SLC22A25: variants seen among roughly 807,000 people sequenced by gnomAD.
SLC22A25 encodes MGI:2442751, MGI:2385316, MGI:3042283, MGI:3645714, MGI:3605624, MGI:2442750.
In SLC22A25, 44 loss-of-function variants were observed where a neutral mutation model predicts 45.9. The observed-to-expected ratio is 0.96, with a 90% CI of 0.75 to 1.23. SLC22A25 has a LOEUF of 1.23. SLC22A25 is among the 50% of genes most tolerant of loss of function. The pLI, the probability that SLC22A25 is intolerant of heterozygous loss-of-function variation, is 0.00. For synonymous variants in SLC22A25, 283 were observed against 238.6 expected (o/e 1.19, Z -1.72); for missense variants, 800 against 666.4 (o/e 1.20, Z -2.21).
At position 63,212,768 on chromosome 11, in the gene SLC22A25, G is replaced by C. The variant is rs1034528677; in HGVS notation, c.830+4546C>G. ...GTATACATATGTAACAAACCTTCACGTTGTGTACATGTACCCTAAAACTTA... is the reference window on the plus strand; with the variant it reads ...GTATACATATGTAACAAACCTTCACCTTGTGTACATGTACCCTAAAACTTA... On this transcript the variant is annotated intron_variant, in intron 7 of 11. Transcript: ENST00000306494. Among the ~76,000 whole-genome samples the C allele has an allele frequency of 3.3e-5, 5 of 151,082 alleles. No individual in the cohort carries two copies. In the South Asian group the frequency reaches 1.0e-3, roughly 32 times the overall value.
chr11:63,211,088 T>C (rs1198103729), intron 7 of SLC22A25, among the ~76,000 whole-genome samples: 2 of 152,054 alleles, frequency 1.3e-5, no homozygotes, highest in African/African-American at 4.8e-5. Context: ...TGGGGGATGC[T>C]TTTCAAGGTA....
At chr11:63,214,037 C>T (rs2089647678) in intron 7 of SLC22A25, among the ~76,000 whole-genome samples, 1 of 152,132 alleles carries the variant, frequency 6.6e-6, no homozygotes, top group Non-Finnish European at 1.5e-5. Context: ...GCTTAGCTGT[C>T]ATGGAAATCA....
At chr11:63,215,148 A>G (rs773922875) in intron 7 of SLC22A25, among the ~76,000 whole-genome samples, 20 of 152,186 alleles carry the variant, frequency 1.3e-4, no homozygotes, top group Non-Finnish European at 2.8e-4. Flanking sequence ...TTTATTGCAG[A>G]ACTATTCACA....
At chr11:63,212,549 C>T (rs1036393783) in intron 7 of SLC22A25, among the ~76,000 whole-genome samples, 3 of 151,748 alleles carry the variant, frequency 2.0e-5, no homozygotes, top group African/African-American at 7.3e-5. Flanking sequence ...CCATCATTCT[C>T]AGCAAACTAT....
At chr11:63,201,032 G>A (rs1373071229) in intron 7 of SLC22A25, among the ~76,000 whole-genome samples, 1 of 152,128 alleles carries the variant, frequency 6.6e-6, no homozygotes, top group African/African-American at 2.4e-5. Context: ...AAAATTGCAT[G>A]CTCATGGATA....
At chr11:63,184,048 C>T (rs989015129) in intron 7 of SLC22A25, among the ~76,000 whole-genome samples, 1 of 152,088 alleles carries the variant, frequency 6.6e-6, no homozygotes, top group Non-Finnish European at 1.5e-5. Context: ...ATTGGCATCC[C>T]TCTTATTCAG....
Position 63,163,781 on chromosome 11 carries a change from G to A in SLC22A25, c.*43C>T. The stretch of plus-strand genomic sequence containing the variant: ...TAGCCCAGATCTAAGCCTTTTTGGG[G>A]GATGGTAGCCCTAAATGGTGTTTTG... On this transcript the variant is annotated 3_prime_UTR_variant, in exon 12 of 12. Transcript: ENST00000306494. 1 of 1,563,228 alleles carries A rather than the reference G, an allele frequency of 6.4e-7. No individual in the cohort carries two copies.
chr11:63,188,132 C>G (rs1319952408), intron 7 of SLC22A25, among the ~76,000 whole-genome samples: 2 of 152,198 alleles, frequency 1.3e-5, no homozygotes, highest in African/African-American at 4.8e-5. Flanking sequence ...ACCAGCTCCT[C>G]TTTGTACCTC....
rs909125189 is a variant in SLC22A25 at position 63,158,935 on chromosome 11, C to A, written c.*4889G>T. Reference sequence around the variant, plus strand: ...CCCTTCTCAGCCTCTGGTAATCATCCTTCTCTCTCTATGTCTATGAGTTCA... The same window carrying A: ...CCCTTCTCAGCCTCTGGTAATCATCATTCTCTCTCTATGTCTATGAGTTCA... On this transcript the variant is annotated 3_prime_UTR_variant, in exon 12 of 12. Coordinates refer to ENST00000306494, the MANE Select transcript of SLC22A25 (RefSeq NM_199352.6). Among the ~76,000 whole-genome samples the A allele has an allele frequency of 1.3e-5, 2 of 152,098 alleles. No homozygotes were observed. Among genetic ancestry groups the A allele is most frequent in the Non-Finnish European group, 2.9e-5 (2 of 68,014 alleles).
Position 63,217,718 on chromosome 11 carries a change from A to G in SLC22A25, c.524T>C (p.Val175Ala), listed in dbSNP as rs1418639033. The G allele has an allele frequency of 6.2e-7, 1 of 1,608,478 alleles. No individual in the cohort carries two copies. Among genetic ancestry groups the G allele is most frequent in the African/African-American group, 1.3e-5 (1 of 74,598 alleles). Reference protein sequence around the residue: ...HLSDRFGRKFVLRWSYLQLAI... With the variant: ...HLSDRFGRKFALRWSYLQLAI... ...GAGCTGGAGGTAAGACCATCTGAGC[A>G]CGAACTTTCTCCCAAACCTGAGAAA... is the stretch of plus-strand genomic sequence containing the variant. The change falls in exon 6 of 12, where the codon GTG becomes GCG. Residue 175 changes from valine to alanine, a missense_variant. Coordinates refer to ENST00000306494, the MANE Select transcript of SLC22A25 (RefSeq NM_199352.6).
At chr11:63,232,342 C>T (rs1297905696) in intron 3 of SLC22A25, among the ~76,000 whole-genome samples, 1 of 152,018 alleles carries the variant, frequency 6.6e-6, no homozygotes, top group East Asian at 1.9e-4. Context: ...TTGAAGAGGT[C>T]CTTCACATCC....
Position 63,159,870 on chromosome 11 carries a change from TAA to T in SLC22A25, c.*3952_*3953del, listed in dbSNP as rs1226204350. On this transcript the variant is annotated 3_prime_UTR_variant, in exon 12 of 12. Coordinates refer to ENST00000306494, the MANE Select transcript of SLC22A25 (RefSeq NM_199352.6). ...ATGAAGAACTTGTTGGTAACTGGAG[TAA>T]AGGTGACTCTTGCTATATTTTAGTA... is the stretch of plus-strand genomic sequence containing the variant. Among the ~76,000 whole-genome samples the T allele has an allele frequency of 6.6e-6, 1 of 151,996 alleles. No individual in the cohort carries two copies. Among genetic ancestry groups the T allele is most frequent in the Non-Finnish European group, 1.5e-5 (1 of 68,000 alleles).
At chr11:63,214,672 C>T (rs1211243270) in intron 7 of SLC22A25, among the ~76,000 whole-genome samples, 1 of 152,148 alleles carries the variant, frequency 6.6e-6, no homozygotes, top group African/African-American at 2.4e-5. Flanking sequence ...ATGCATGTCT[C>T]AATTAATTGA....
At chr11:63,225,264 G>A (rs1339145303) in intron 5 of SLC22A25, among the ~76,000 whole-genome samples, 2 of 151,698 alleles carry the variant, frequency 1.3e-5, no homozygotes. Context: ...GCTCATTACT[G>A]TTCTTTACTT....
At chr11:63,241,798 G>A (rs527689635) in intron 1 of SLC22A25, among the ~76,000 whole-genome samples, 2 of 152,316 alleles carry the variant, frequency 1.3e-5, no homozygotes, top group African/African-American at 4.8e-5. Context: ...GGTATGCACT[G>A]AGGTGAGGCA....
At chr11:63,169,996 T>A (rs901873484) in intron 9 of SLC22A25, among the ~76,000 whole-genome samples, 1 of 152,132 alleles carries the variant, frequency 6.6e-6, no homozygotes, top group Non-Finnish European at 1.5e-5. Context: ...AAATTAGAAC[T>A]CAGGATTAAG....
At chr11:63,178,695 T>C (rs74761808) in intron 9 of SLC22A25, among the ~76,000 whole-genome samples, 2,685 of 152,212 alleles carry the variant, frequency 0.018, 79 homozygotes, top group African/African-American at 0.061. Context: ...ATGTTCCTTA[T>C]AGGTTTGATT....
chr11:63,231,546 A>T (rs531945959), intron 3 of SLC22A25, among the ~76,000 whole-genome samples: 30 of 152,276 alleles, frequency 2.0e-4, no homozygotes, highest in African/African-American at 7.2e-4. Flanking sequence ...TCTGGATATT[A>T]GCCCTTTGTC....
At chr11:63,197,292 T>G (rs1234970407) in intron 7 of SLC22A25, among the ~76,000 whole-genome samples, 1 of 152,082 alleles carries the variant, frequency 6.6e-6, no homozygotes, top group African/African-American at 2.4e-5. Context: ...GAGCCCACAT[T>G]GCCAAGACAA....
Sources: gnomAD v4.1 joint callset for allele counts (sites outside exome capture counted in the v4.1 genomes callset) on GRCh38, gnomAD v4.1.1 for gene constraint, MANE v1.5 for transcripts, NCBI Gene and HGNC (gene_info 2026-07-23, HGNC 2026-07-21) for gene names.